CATSPERG: variants seen among roughly 807,000 people sequenced by gnomAD.
CATSPERG encodes the protein cation channel sperm-associated auxiliary subunit gamma.
In CATSPERG, 115 loss-of-function variants were observed where a neutral mutation model predicts 145.0. That is an observed-to-expected ratio of 0.79 (90% confidence interval 0.68 to 0.93). The LOEUF (loss-of-function observed/expected upper bound fraction) is 0.93, where lower values mean the gene tolerates loss of function less well. Among genes scored for constraint, CATSPERG ranks in the 40% least tolerant of loss-of-function variants. The probability of loss-of-function intolerance (pLI) is 0.00; values close to 1 mark genes in which losing one functional copy is unlikely to be tolerated. For missense variants in CATSPERG, 1,296 were observed against 1,490.1 expected (o/e 0.87, Z 2.14); for synonymous variants, 588 against 589.0 (o/e 1.00, Z 0.02).
chr19:38,360,146 A>G, intron 14 of CATSPERG: 1 of 985,362 alleles, frequency 1.0e-6, no homozygotes, highest in African/African-American at 1.7e-5. Context: ...TGGAAGCTGC[A>G]AAGAGTGAGA....
intron 3 of CATSPERG, 62 bp from the exon 4 acceptor site, chr19:38,343,518 T>C: frequency 6.9e-7 from 1 of 1,455,934 alleles, no homozygotes; most frequent in Admixed American, 2.3e-5. Flanking sequence ...GAGGCGGGCT[T>C]AAGGCAGGGG....
At chr19:38,359,333 C>T (rs955873444) in intron 13 of CATSPERG, 137 bp from the exon 14 acceptor site, 4 of 537,846 alleles carry the variant, frequency 7.4e-6, no homozygotes, top group African/African-American at 5.8e-5. Flanking sequence ...GGGTGGGGGG[C>T]GGGAGCTAGG....
Position 38,337,640 on chromosome 19 carries a change from G to A in CATSPERG, c.318G>A (p.Glu106=), listed in dbSNP as rs1351025294. The A allele has an allele frequency of 6.4e-7, 1 of 1,551,604 alleles. No individual in the cohort carries two copies. The highest frequency in any genetic ancestry group is 2.0e-5 in the Admixed American group (1 of 50,982). The part of the protein sequence containing the change: ...PYYLKINYSC[E]EKPSEDLVRM... ...ACCTGAAGATCAACTACTCCTGCGA[G>A]GAAAAGGTGAGTGGGTGCAGCACGG... The change falls in exon 3 of 29, where the codon GAG becomes GAA. Residue 106 remains glutamate (E), a synonymous_variant. Transcript: ENST00000409235.
chr19:38,336,365 G>A (rs1032157400), intron 1 of CATSPERG: 3 of 358,008 alleles, frequency 8.4e-6, no homozygotes, highest in African/African-American at 4.3e-5. Context: ...GGGACGGGGC[G>A]ACGGGCCCGC....
chr19:38,356,262 G>A (rs966987834), intron 9 of CATSPERG, among the ~76,000 whole-genome samples: 5 of 152,224 alleles, frequency 3.3e-5, no homozygotes, highest in African/African-American at 9.6e-5. Context: ...TCGGCCCACC[G>A]TGGGTCACAT....
chr19:38,350,659 C>T (rs571809231), intron 7 of CATSPERG, among the ~76,000 whole-genome samples: 23 of 152,110 alleles, frequency 1.5e-4, no homozygotes, highest in Non-Finnish European at 3.2e-4. Flanking sequence ...ATTACAGGCA[C>T]TCGGCCACAT....
Position 38,362,811 on chromosome 19 carries a change from T to A in CATSPERG, c.2454T>A (p.Asn818Lys). The change falls in exon 20 of 29, where the codon AAT becomes AAA. Residue 818 changes from asparagine to lysine, a missense_variant. Transcript: ENST00000409235. ...EASVKQEVLI[N>K]RNSVLFSITL... ...CGGTGAAGCAGGAGGTCCTGATTAATCGCAACTCGGTGCTATTTTCGGTGA... is the reference window on the plus strand; with the variant it reads ...CGGTGAAGCAGGAGGTCCTGATTAAACGCAACTCGGTGCTATTTTCGGTGA... The A allele has an allele frequency of 6.2e-7, 1 of 1,612,324 alleles. No homozygotes were observed. The highest frequency in any genetic ancestry group is 2.2e-5 in the East Asian group (1 of 44,814).
rs1970367679 is a variant in CATSPERG at position 38,362,533 on chromosome 19, T to C, written c.2315T>C (p.Leu772Pro). The stretch of plus-strand genomic sequence containing the variant: ...ACTGAGTACAGCTTCGCCATCTTCC[T>C]GTCGGCGCAGGGCCACTCGTTCCGG... ...KGTEYSFAIF[L>P]SAQGHSFRTQ... is the part of the protein sequence containing the mutation. The change falls in exon 19 of 29, where the codon CTG (leucine) becomes CCG (proline). Residue 772 changes from leucine (L) to proline (P), a missense_variant. Physicochemically the swap from Leu to Pro is moderately conservative, Grantham distance 98. Coordinates refer to ENST00000409235, the MANE Select transcript of CATSPERG (RefSeq NM_021185.5). The C allele has an allele frequency of 1.2e-6, 2 of 1,613,906 alleles. No individual in the cohort carries two copies. Among genetic ancestry groups the C allele is most frequent in the Admixed American group, 1.7e-5 (1 of 60,032 alleles).
rs180731940 is a variant in CATSPERG at position 38,341,529 on chromosome 19, C to T, written c.325-2051C>T. Among the ~76,000 whole-genome samples, 534 of 152,100 alleles carry T rather than the reference C, an allele frequency of 3.5e-3. 13 individuals are homozygous for T. The highest frequency in any genetic ancestry group is 0.032 in the Admixed American group (495 of 15,260). On this transcript the variant is annotated intron_variant, in intron 3 of 28. Transcript: ENST00000409235. ...CTATAATCCCAGCACTTTGGGAGGC[C>T]AGGGAGAGAAGATTGCTTGAGCCCA...
intron 6 of CATSPERG, among the ~76,000 whole-genome samples, chr19:38,344,870 CACACACACACACATATATAT>C (rs374857039): frequency 0.016 from 1,784 of 111,690 alleles, 40 homozygotes; most frequent in South Asian, 0.029. Flanking sequence ...CACACACACA[CACACACACACACATATATAT>C]ATATATATAT....
chr19:38,370,796 TC>T lies in CATSPERG; in HGVS notation c.*7del. ...GGAGAGACAGTTGATGACCTGAGTG[TC>T]CCACCTGCCCCAGCCCCCAGTTACT... On this transcript the variant is annotated 3_prime_UTR_variant, in exon 29 of 29. Coordinates refer to ENST00000409235, the MANE Select transcript of CATSPERG (RefSeq NM_021185.5). 1 of 1,611,526 alleles carries T rather than the reference TC, an allele frequency of 6.2e-7. No individual in the cohort carries two copies. Among genetic ancestry groups the T allele is most frequent in the Non-Finnish European group, 8.5e-7 (1 of 1,178,050 alleles).
chr19:38,365,286 T>A, intron 22 of CATSPERG, 169 bp downstream of exon 22: 1 of 631,804 alleles, frequency 1.6e-6, no homozygotes, highest in Non-Finnish European at 2.8e-6. Context: ...CTTTCATTCT[T>A]TTTTCTTTAA....
rs202060544 is a variant in CATSPERG at position 38,342,216 on chromosome 19, A to AAAATAAATAAAT, written c.325-1343_325-1332dup. ...CATAGCAAGACCCTGTCCCATGTAA[A>AAAATAAATAAAT]AAATAAATAAATAAATAAATAAATA... On this transcript the variant is annotated intron_variant, in intron 3 of 28. Coordinates refer to ENST00000409235, the MANE Select transcript of CATSPERG (RefSeq NM_021185.5). 7.0e-3 allele frequency among the ~76,000 whole-genome samples: 1,033 copies of AAAATAAATAAAT among 148,620 alleles called. 8 individuals carry two copies. The highest frequency in any genetic ancestry group is 0.02 in the African/African-American group (802 of 40,612).
chr19:38,352,277 G>A lies in CATSPERG; in HGVS notation c.842G>A (p.Cys281Tyr). The A allele has an allele frequency of 6.4e-7, 1 of 1,551,494 alleles. No individual in the cohort carries two copies. Among genetic ancestry groups the A allele is most frequent in the Non-Finnish European group, 8.7e-7 (1 of 1,147,050 alleles). The part of the protein sequence containing the change: ...FSLVELSIDS[C>Y]WVGSFYCPHS... ...CCCCTGCAGCTGAGCATTGACAGTT[G>A]CTGGGTGGGCTCCTTCTACTGCCCC... The change falls in exon 8 of 29, where the codon TGC becomes TAC. Residue 281 changes from cysteine to tyrosine, a missense_variant. Transcript: ENST00000409235.
At chr19:38,341,689 T>G (rs10408743) in intron 3 of CATSPERG, among the ~76,000 whole-genome samples, 148,294 of 152,238 alleles carry the variant, frequency 0.97, 72,251 homozygotes, top group East Asian at 1. Flanking sequence ...ATCACCTGAG[T>G]TCAGGAGTTC....
Position 38,361,673 on chromosome 19 carries a change from G to A in CATSPERG, c.1906G>A (p.Asp636Asn), listed in dbSNP as rs1434467855. 6.2e-7 allele frequency: 1 copy of A among 1,611,322 alleles called. No individual in the cohort carries two copies. Among genetic ancestry groups the A allele is most frequent in the Admixed American group, 1.7e-5 (1 of 59,970 alleles). The change falls in exon 17 of 29, where the codon GAC (aspartate) becomes AAC (asparagine). Residue 636 changes from aspartate to asparagine, a missense_variant. Transcript: ENST00000409235. ...GGGCTACTTGATGCTCTCCTTCATC[G>A]ACTTCTGCCCCTTCTCGGTGATGCG... ...KGGYLMLSFI[D>N]FCPFSVMRLR...
At position 38,360,618 on chromosome 19, in the gene CATSPERG, C is replaced by T. The variant is rs1404789394; in HGVS notation, c.1738C>T (p.Leu580Phe). The change falls in exon 15 of 29, where the codon CTC (leucine) becomes TTC (phenylalanine). Residue 580 changes from leucine to phenylalanine, a missense_variant. Physicochemically the swap from Leu to Phe is conservative, Grantham distance 22 (BLOSUM62 0). Transcript: ENST00000409235. ...CGCATCCAATGAGACCATGCTGACC[C>T]TCTTCTACGAAGACAGCAAACTGTA... ...LYASNETMLT[L>F]FYEDSKLYQL... is the part of the protein sequence containing the mutation. 6.2e-7 allele frequency: 1 copy of T among 1,614,248 alleles called. No homozygotes were observed. Among genetic ancestry groups the T allele is most frequent in the Admixed American group, 1.7e-5 (1 of 60,034 alleles).
At position 38,367,663 on chromosome 19, in the gene CATSPERG, C is replaced by T. The variant is rs1970477016; in HGVS notation, c.2835-18C>T. 7 of 1,613,612 alleles carry T rather than the reference C, an allele frequency of 4.3e-6. No homozygotes were observed. Among genetic ancestry groups the T allele is most frequent in the Non-Finnish European group, 5.1e-6 (6 of 1,179,536 alleles). On this transcript the variant is annotated intron_variant, in intron 24 of 28. Transcript: ENST00000409235. ...CGAGACCCGGAGGCCAGTCTGTGTG[C>T]ACTTCTGTCCCTGGTAGCTATGTTC...
rs376608525 is a variant in CATSPERG at position 38,360,520 on chromosome 19, T to C, written c.1640T>C (p.Val547Ala). The C allele has an allele frequency of 1.2e-6, 2 of 1,614,120 alleles. No homozygotes were observed. The highest frequency in any genetic ancestry group is 1.7e-5 in the Admixed American group (1 of 60,020). Residue 547 changes from valine to alanine, a missense_variant, in exon 15 of 29, where the codon GTC becomes GCC. Transcript: ENST00000409235. ...TACCTCCTGGAGGGCAGCTACCGGGTCTACCAGCTGTTCCCTTCCAAGGGC... is the reference window on the plus strand; with the variant it reads ...TACCTCCTGGAGGGCAGCTACCGGGCCTACCAGCTGTTCCCTTCCAAGGGC... ...IWYLLEGSYR[V>A]YQLFPSKGWQ...
Sources: allele counts gnomAD v4.1 joint callset (sites outside exome capture counted in the v4.1 genomes callset), GRCh38; gene constraint gnomAD v4.1.1; transcripts MANE v1.5; gene names NCBI Gene and HGNC (gene_info 2026-07-23, HGNC 2026-07-21).